CROT: variants seen among roughly 807,000 people sequenced by gnomAD.
The protein encoded by CROT is peroxisomal carnitine O-octanoyltransferase.
Under a neutral mutation model 89.2 loss-of-function variants are expected in CROT, and 84 were observed. The observed-to-expected ratio is 0.94, with a 90% CI of 0.79 to 1.13. CROT has a LOEUF of 1.13. Ranked by LOEUF, CROT falls within the 50% of genes most tolerant of loss-of-function variation. The probability of loss-of-function intolerance (pLI) is 0.00; values close to 1 mark genes in which losing one functional copy is unlikely to be tolerated. For missense variants in CROT, 711 were observed against 727.8 expected (o/e 0.98, Z 0.27); for synonymous variants, 212 against 239.5 (o/e 0.89, Z 1.06).
chr7:87,369,838 G>A (rs1045693362), intron 7 of CROT: 3 of 148,394 alleles, frequency 2.0e-5, no homozygotes, highest in Non-Finnish European at 4.4e-5. Context: ...TATATAATAT[G>A]TATTATATAT....
intron 4 of CROT, chr7:87,359,896 T>C: frequency 1.0e-6 from 1 of 985,656 alleles, no homozygotes. Context: ...ACTTCTCTAC[T>C]ATGAATCAGA....
intron 17 of CROT, chr7:87,398,213 A>T (rs1324622490): frequency 2.0e-6 from 1 of 504,606 alleles, no homozygotes; most frequent in Non-Finnish European, 3.8e-6. Flanking sequence ...CACTTTAGGA[A>T]GGACTTTTCT....
chr7:87,373,189 T>A (rs1806695376), intron 7 of CROT, among the ~76,000 whole-genome samples: 1 of 152,142 alleles, frequency 6.6e-6, no homozygotes, highest in Admixed American at 6.5e-5. Context: ...TATTTGATAA[T>A]GATGTTAAAG....
chr7:87,373,664 A>AG (rs1182846866), intron 7 of CROT, among the ~76,000 whole-genome samples: 6 of 152,212 alleles, frequency 3.9e-5, no homozygotes, highest in African/African-American at 1.4e-4. Flanking sequence ...AGAGATTGAG[A>AG]GAAAAAATGG....
At chr7:87,360,495 C>G (rs1468536302) in intron 4 of CROT, among the ~76,000 whole-genome samples, 1 of 152,096 alleles carries the variant, frequency 6.6e-6, no homozygotes, top group Non-Finnish European at 1.5e-5. Context: ...TGCGCACCAC[C>G]ACACCCAACT....
At position 87,373,958 on chromosome 7, in the gene CROT, T is replaced by C. The variant is rs576352637; in HGVS notation, c.657-1674T>C. 5.3e-5 allele frequency among the ~76,000 whole-genome samples: 8 copies of C among 152,198 alleles called. No individual in the cohort carries two copies. In the South Asian group the frequency reaches 1.7e-3, roughly 32 times the overall value. ...TCAAACATTCTATAATGAGGAAAAT[T>C]AGACTTAAATAAAGCTACTAGGTTT... On this transcript the variant is annotated intron_variant, in intron 7 of 17. Coordinates refer to ENST00000331536, the MANE Select transcript of CROT (RefSeq NM_021151.4).
Position 87,361,831 on chromosome 7 carries a change from A to G in CROT, c.526A>G (p.Ile176Val). Residue 176 changes from isoleucine to valine, a missense_variant, in exon 6 of 18, where the codon ATT (isoleucine) becomes GTT (valine). Coordinates refer to ENST00000331536, the MANE Select transcript of CROT (RefSeq NM_021151.4). ...GGTTCCAGGAATTACTAGAGACTCC[A>G]TTATGAATTATTTTAGGACTGGTAA... ...CKVPGITRDS[I>V]MNYFRTESEG... is the part of the protein sequence containing the mutation. 1 of 1,590,976 alleles carries G rather than the reference A, an allele frequency of 6.3e-7. No homozygotes were observed. The highest frequency in any genetic ancestry group is 1.2e-5 in the South Asian group (1 of 85,960).
chr7:87,346,577 C>A (rs931528212), intron 2 of CROT, 147 bp downstream of exon 2: 1 of 152,118 alleles, frequency 6.6e-6, no homozygotes, highest in Non-Finnish European at 1.5e-5. Context: ...TTAACTTAAT[C>A]TTTGTGGTTG....
chr7:87,360,490 A>G (rs1233589906), intron 4 of CROT, among the ~76,000 whole-genome samples: 2 of 152,012 alleles, frequency 1.3e-5, no homozygotes, highest in East Asian at 3.9e-4. Context: ...GCAGGTGCGC[A>G]CCACCACACC....
Position 87,349,077 on chromosome 7 carries a change from T to A in CROT, c.9T>A (p.Asn3Lys). ME[N>K]QLAKSTEERT... ...CCTATTGTGATTTTATCATGGAAAA[T>A]CAATTGGCTAAATCAACTGAAGAAC... Residue 3 changes from asparagine (N) to lysine (K), a missense_variant, in exon 3 of 18, where the codon AAT becomes AAA. Asn to Lys is a moderately conservative substitution (Grantham distance 94, BLOSUM62 0). Coordinates refer to ENST00000331536, the MANE Select transcript of CROT (RefSeq NM_021151.4). 1 of 1,590,398 alleles carries A rather than the reference T, an allele frequency of 6.3e-7. No homozygotes were observed. Among genetic ancestry groups the A allele is most frequent in the Non-Finnish European group, 8.6e-7 (1 of 1,163,664 alleles).
rs147240633 is a variant in CROT, at chr7:87,349,084, G to A, written c.16G>A (p.Ala6Thr). 3 of 1,596,554 alleles carry A rather than the reference G, an allele frequency of 1.9e-6. No homozygotes were observed. Among genetic ancestry groups the A allele is most frequent in the Non-Finnish European group, 2.6e-6 (3 of 1,168,064 alleles). Reference protein sequence around the residue: MENQLAKSTEERTFQY... With the variant: MENQLTKSTEERTFQY... ...TGATTTTATCATGGAAAATCAATTGGCTAAATCAACTGAAGAACGAACATT... is the reference window on the plus strand; with the variant it reads ...TGATTTTATCATGGAAAATCAATTGACTAAATCAACTGAAGAACGAACATT... The change falls in exon 3 of 18, where the codon GCT becomes ACT. Residue 6 changes from alanine to threonine, a missense_variant. Physicochemically the swap from Ala to Thr is moderately conservative, Grantham distance 58. Coordinates refer to ENST00000331536, the MANE Select transcript of CROT (RefSeq NM_021151.4).
At chr7:87,369,291 C>G (rs1806545710) in intron 6 of CROT, 85 bp from the exon 7 acceptor site, 1 of 763,196 alleles carries the variant, frequency 1.3e-6, no homozygotes, top group Admixed American at 2.5e-5. Flanking sequence ...TGGAAGAATG[C>G]CTACTTTTCT....
At chr7:87,384,998 C>T (rs1243600802) in intron 13 of CROT, among the ~76,000 whole-genome samples, 1 of 151,764 alleles carries the variant, frequency 6.6e-6, no homozygotes, top group African/African-American at 2.4e-5. Flanking sequence ...AAGGAGATGC[C>T]TGTAAATACA....
At chr7:87,354,376 T>C (rs1324092184) in intron 3 of CROT, 2 of 518,452 alleles carry the variant, frequency 3.9e-6, no homozygotes, top group Non-Finnish European at 7.7e-6. Flanking sequence ...ACATCAAACC[T>C]GATGAAAAAA....
intron 4 of CROT, chr7:87,360,226 G>T: frequency 2.4e-6 from 1 of 410,224 alleles, no homozygotes; most frequent in Non-Finnish European, 3.3e-6. Flanking sequence ...GATAAGATGT[G>T]CTTACTTATG....
chr7:87,382,537 A>T lies in CROT; in HGVS notation c.1295A>T (p.His432Leu), dbSNP rs755315658. 2 of 1,613,296 alleles carry T rather than the reference A, an allele frequency of 1.2e-6. No homozygotes were observed. The highest frequency in any genetic ancestry group is 1.3e-5 in the African/African-American group (1 of 75,000). Residue 432 changes from histidine to leucine, a missense_variant, in exon 13 of 18, where the codon CAT becomes CTT. Coordinates refer to ENST00000331536, the MANE Select transcript of CROT (RefSeq NM_021151.4). ...CTTCAGCTGGCCTATTACAGACTTC[A>T]TGGACAGTAAGGACCATTCAGTTTC... Reference protein sequence around the residue: ...LALQLAYYRLHGHPGCCYETA... With the variant: ...LALQLAYYRLLGHPGCCYETA...
chr7:87,352,643 A>C (rs1805904986), intron 3 of CROT, among the ~76,000 whole-genome samples: 1 of 152,216 alleles, frequency 6.6e-6, no homozygotes, highest in South Asian at 2.1e-4. Flanking sequence ...TATTCCCCAC[A>C]ACAAGCCCTT....
intron 7 of CROT, among the ~76,000 whole-genome samples, chr7:87,370,829 G>C (rs144993752): frequency 1.3e-5 from 2 of 152,284 alleles, no homozygotes; most frequent in East Asian, 3.9e-4. Context: ...ATGTATTTCT[G>C]TCTGGAGCAC....
chr7:87,350,841 T>C (rs1452266536), intron 3 of CROT, among the ~76,000 whole-genome samples: 1 of 152,204 alleles, frequency 6.6e-6, no homozygotes, highest in Non-Finnish European at 1.5e-5. Flanking sequence ...AAGAGTACTT[T>C]ACCTGTCACC....
Sources: allele counts gnomAD v4.1 joint callset (sites outside exome capture counted in the v4.1 genomes callset), GRCh38; gene constraint gnomAD v4.1.1; transcripts MANE v1.5; gene names NCBI Gene and HGNC (gene_info 2026-07-23, HGNC 2026-07-21).